The following DUX4 variants were observed in gnomAD, a reference collection of about 807,000 sequenced individuals.
The protein encoded by DUX4 is double homeobox protein 4.
intron 1 of DUX4, among the ~76,000 whole-genome samples, chr4:190,181,169 C>A (rs1579836921): frequency 0.029 from 3,499 of 118,864 alleles, no homozygotes; most frequent in Admixed American, 0.035. Flanking sequence ...TTAGGCAGAG[C>A]TTAGACTAGA....
chr4:190,176,805 G>C (rs1579832024), downstream of DUX4, among the ~76,000 whole-genome samples: 2 of 130,416 alleles, frequency 1.5e-5, no homozygotes, highest in South Asian at 2.7e-4. Flanking sequence ...CTAGACAAGA[G>C]TTGAATCACC....
downstream of DUX4, among the ~76,000 whole-genome samples, chr4:190,177,856 A>T (rs1579833405): frequency 1.1e-4 from 16 of 149,372 alleles, no homozygotes; most frequent in East Asian, 2.0e-4. Context: ...TGATCAGTGC[A>T]GAGATATGTC....
downstream of DUX4, among the ~76,000 whole-genome samples, chr4:190,179,444 C>CCAG (rs1742492959): frequency 3.8e-5 from 1 of 26,178 alleles, no homozygotes. Context: ...TGTCACAAAG[C>CCAG]ACCCTGTAAG....
Position 190,175,753 on chromosome 4 carries a change from G to T in DUX4, c.*343G>T. 1 of 161,104 alleles carries T rather than the reference G, an allele frequency of 6.2e-6. No homozygotes were observed. The highest frequency in any genetic ancestry group is 1.2e-5 in the Non-Finnish European group (1 of 83,764). 10.0% of individuals were successfully genotyped at this position (161,104 alleles called of 1,614,324 possible). A position where few individuals can be genotyped will look rare whatever the true frequency, so the allele number is the denominator to read the frequency against. ...GGCTGAATGTCTCCCCCCACCTTCC[G>T]ACGCTGTCTAGGCAAACCTGGATTA... is the stretch of plus-strand genomic sequence containing the variant. On this transcript the variant is annotated 3_prime_UTR_variant, in exon 2 of 2. Transcript: ENST00000565211.
chr4:190,178,883 A>AGAGAT (rs1742459779), downstream of DUX4, among the ~76,000 whole-genome samples: 1 of 149,178 alleles, frequency 6.7e-6, no homozygotes, highest in African/African-American at 2.5e-5. Flanking sequence ...TGATCAGTGC[A>AGAGAT]GATCTATGTC....
At chr4:190,177,099 C>G (rs1207273220), downstream of DUX4, among the ~76,000 whole-genome samples, 4,015 of 100,096 alleles carry the variant, frequency 0.04, no homozygotes, top group Admixed American at 0.052. Context: ...CCTGGGTGAT[C>G]AGTGCAGAGA....
At chr4:190,176,344 G>C (rs1742304356), downstream of DUX4, among the ~76,000 whole-genome samples, 1 of 115,136 alleles carries the variant, frequency 8.7e-6, no homozygotes, top group Admixed American at 1.1e-4. Flanking sequence ...TCACCTGGGT[G>C]ATCAGTGCAG....
intron 1 of DUX4, chr4:190,182,142 A>T (rs1413978599): frequency 1.8e-5 from 2 of 108,462 alleles, no homozygotes; most frequent in African/African-American, 5.5e-5. Flanking sequence ...GAGTTACATC[A>T]CCTGGATTTT....
At chr4:190,177,989 G>C (rs1579833584), downstream of DUX4, among the ~76,000 whole-genome samples, 30 of 147,704 alleles carry the variant, frequency 2.0e-4, no homozygotes, top group East Asian at 6.1e-4. Context: ...TGGGTGATCA[G>C]GGCAGAGATA....
At chr4:190,179,801 A>AT (rs1742514036), downstream of DUX4, among the ~76,000 whole-genome samples, 2 of 7,398 alleles carry the variant, frequency 2.7e-4, no homozygotes, top group Non-Finnish European at 6.3e-4. Context: ...AGGCAAGCCT[A>AT]CACAAGTATT....
intron 1 of DUX4, among the ~76,000 whole-genome samples, chr4:190,181,046 T>A (rs1579836838): frequency 6.9e-6 from 1 of 145,828 alleles, no homozygotes; most frequent in Non-Finnish European, 1.5e-5. Flanking sequence ...AGACAAGAGT[T>A]ACATCACCTG....
At chr4:190,179,791 A>AT (rs1579835988), downstream of DUX4, among the ~76,000 whole-genome samples, 1 of 66,798 alleles carries the variant, frequency 1.5e-5, no homozygotes, top group African/African-American at 7.4e-5. Flanking sequence ...ATGCCCCTGT[A>AT]GGCAAGCCTA....
At chr4:190,178,953 AATACGTCAC>A (rs1742466340), downstream of DUX4, among the ~76,000 whole-genome samples, 1 of 77,860 alleles carries the variant, frequency 1.3e-5, no homozygotes, top group Non-Finnish European at 2.8e-5. Flanking sequence ...TCAGTGCAGA[AATACGTCAC>A]AATGCCCCCT....
downstream of DUX4, among the ~76,000 whole-genome samples, chr4:190,176,820 A>T (rs1742323392): frequency 7.9e-6 from 1 of 126,824 alleles, no homozygotes; most frequent in Non-Finnish European, 1.8e-5. Context: ...ATCACCTCAG[A>T]GATCAGTGCA....
At chr4:190,176,008 G>T (rs1483484615), downstream of DUX4, among the ~76,000 whole-genome samples, 13 of 110,484 alleles carry the variant, frequency 1.2e-4, 6 homozygotes, top group Non-Finnish European at 2.8e-4. Flanking sequence ...TAGGTGATCA[G>T]TGTAGAGATA....
downstream of DUX4, among the ~76,000 whole-genome samples, chr4:190,179,566 T>C (rs1354687816): frequency 7.4e-6 from 1 of 135,372 alleles, no homozygotes; most frequent in Non-Finnish European, 1.7e-5. Flanking sequence ...ATCAGTGCAG[T>C]GATATGTCAC....
At chr4:190,176,647 T>C (rs1203827020), downstream of DUX4, among the ~76,000 whole-genome samples, 103 of 118,498 alleles carry the variant, frequency 8.7e-4, 7 homozygotes, top group African/African-American at 2.3e-3. Flanking sequence ...ACAAAGCCCC[T>C]GTAGGCAGAG....
downstream of DUX4, among the ~76,000 whole-genome samples, chr4:190,178,220 C>A (rs2126572169): frequency 8.8e-4 from 133 of 150,288 alleles, no homozygotes; most frequent in Admixed American, 1.7e-3. Context: ...ACAATGCCCC[C>A]TGTAGGCAGA....
downstream of DUX4, among the ~76,000 whole-genome samples, chr4:190,178,889 ATG>A (rs1742460869): frequency 6.1e-5 from 3 of 49,320 alleles, no homozygotes; most frequent in African/African-American, 8.2e-5. Context: ...GTGCAGATCT[ATG>A]TCACAATGCC....
Sources: allele counts gnomAD v4.1 joint callset (sites outside exome capture counted in the v4.1 genomes callset), GRCh38; gene constraint gnomAD v4.1.1; transcripts MANE v1.5; gene names NCBI Gene and HGNC (gene_info 2026-07-23, HGNC 2026-07-21).